The following STK3 variants were observed in gnomAD, a reference collection of about 807,000 sequenced individuals.
STK3 encodes the protein serine/threonine-protein kinase 3.
STK3 carries 41 observed loss-of-function variants against 58.0 expected under a neutral mutation model. The observed-to-expected ratio is 0.71, with a 90% CI of 0.55 to 0.92. The LOEUF is 0.92. Ranked by LOEUF, STK3 falls within the 40% of genes least tolerant of loss-of-function variation. The pLI, the probability that STK3 is intolerant of heterozygous loss-of-function variation, is 0.00. For missense variants in STK3, 479 were observed against 602.7 expected (o/e 0.79, Z 2.15); for synonymous variants, 170 against 191.0 (o/e 0.89, Z 0.91).
intron 7 of STK3, among the ~76,000 whole-genome samples, chr8:98,588,733 A>C (rs1012360245): frequency 6.6e-6 from 1 of 151,374 alleles, no homozygotes; most frequent in African/African-American, 2.4e-5. Context: ...TTTCAGGTAC[A>C]CCAATTAGAC....
chr8:98,450,313 A>C (rs1328712001), downstream of STK3, among the ~76,000 whole-genome samples: 3 of 152,204 alleles, frequency 2.0e-5, no homozygotes, highest in Non-Finnish European at 4.4e-5. Context: ...ACATGGCACT[A>C]AACTAAAAAG....
At chr8:98,434,828 A>T (rs1465240180) in intron 2 of STK3, among the ~76,000 whole-genome samples, 2 of 152,190 alleles carry the variant, frequency 1.3e-5, no homozygotes, top group Non-Finnish European at 2.9e-5. Context: ...AAAAGAGGGA[A>T]CAGGATAGAG....
rs930139767 is a variant in STK3 at position 98,445,711 on chromosome 8, T to C, written n.186-8503A>G. ...CACTCGGAGCATGCAGATAGTGAACTGATTTGAGGAACTGAATATAAACCT... is the reference window on the plus strand; with the variant it reads ...CACTCGGAGCATGCAGATAGTGAACCGATTTGAGGAACTGAATATAAACCT... On this transcript the variant is annotated intron_variant and non_coding_transcript_variant, in intron 1 of 3. Coordinates refer to the STK3 transcript ENST00000517832. 6.6e-5 allele frequency among the ~76,000 whole-genome samples: 10 copies of C among 152,320 alleles called. No individual in the cohort carries two copies. In the South Asian group the frequency reaches 2.1e-3, roughly 32 times the overall value.
At chr8:98,467,906 A>AG (rs1820610009) in intron 10 of STK3, among the ~76,000 whole-genome samples, 1 of 152,214 alleles carries the variant, frequency 6.6e-6, no homozygotes, top group Non-Finnish European at 1.5e-5. Context: ...CACAATACTT[A>AG]GTCTAACAAT....
chr8:98,747,121 T>C (rs1200839477), intron 4 of STK3, among the ~76,000 whole-genome samples: 4 of 140,870 alleles, frequency 2.8e-5, no homozygotes, highest in African/African-American at 7.9e-5. Context: ...ATTATCATCA[T>C]ACCCACCACA....
chr8:98,835,403 A>G (rs776074898), intron 3 of STK3, among the ~76,000 whole-genome samples: 1 of 152,334 alleles, frequency 6.6e-6, no homozygotes, highest in Non-Finnish European at 1.5e-5. Flanking sequence ...CCTGGTGGGC[A>G]TATGTTCCCT....
At chr8:98,352,136 CAAAAAAAAA>C in the STK3 span, among the ~76,000 whole-genome samples, 1 of 110,456 alleles carries the variant, frequency 9.1e-6, no homozygotes, top group African/African-American at 3.5e-5. Flanking sequence ...GACTCTGTCT[CAAAAAAAAA>C]AAAAAAAAAA....
chr8:98,580,263 T>C (rs1450256203), intron 7 of STK3, among the ~76,000 whole-genome samples: 1 of 152,202 alleles, frequency 6.6e-6, no homozygotes, highest in Non-Finnish European at 1.5e-5. Context: ...TTTTATTGTA[T>C]CTTAAGTAAT....
chr8:98,799,453 A>G (rs1272370774), intron 1 of STK3, among the ~76,000 whole-genome samples: 1 of 151,448 alleles, frequency 6.6e-6, no homozygotes, highest in Non-Finnish European at 1.5e-5. Context: ...CAAAGAAGTC[A>G]AAAAGAAAGG....
At chr8:98,523,864 A>T (rs28798756) in intron 10 of STK3, among the ~76,000 whole-genome samples, 1 of 152,058 alleles carries the variant, frequency 6.6e-6, no homozygotes, top group Non-Finnish European at 1.5e-5. Context: ...TTCCATTTTG[A>T]TGTAGTCCAA....
At chr8:98,344,391 T>A in the STK3 span, among the ~76,000 whole-genome samples, 2 of 152,200 alleles carry the variant, frequency 1.3e-5, no homozygotes, top group South Asian at 4.2e-4. Context: ...ACTCTGAGAA[T>A]CTCCACAAAG....
At chr8:98,823,197 T>C (rs2131742638) in intron 1 of STK3, among the ~76,000 whole-genome samples, 1 of 152,162 alleles carries the variant, frequency 6.6e-6, no homozygotes, top group South Asian at 2.1e-4. Flanking sequence ...CTAGATGGGA[T>C]AATGAAAGAG....
rs371118397 is a variant in STK3, at chr8:98,803,213, G to A, written c.26+22302C>T. Among the ~76,000 whole-genome samples, 9 of 152,192 alleles carry A rather than the reference G, an allele frequency of 5.9e-5. No homozygotes were observed. In the East Asian group the frequency reaches 1.7e-3, roughly 29 times the overall value. On this transcript the variant is annotated intron_variant, in intron 1 of 10. Transcript: ENST00000419617. ...TGATTCAATAATTACTTCATGAAAT[G>A]CATTCAATAAAATCATCTTATACAC... is the stretch of plus-strand genomic sequence containing the variant.
At chr8:98,796,627 G>C (rs967914825) in intron 1 of STK3, among the ~76,000 whole-genome samples, 3 of 152,190 alleles carry the variant, frequency 2.0e-5, no homozygotes, top group Non-Finnish European at 4.4e-5. Flanking sequence ...AACCTAAAGA[G>C]CTGCTTTTGT....
intron 1 of STK3, among the ~76,000 whole-genome samples, chr8:98,915,016 C>A (rs1218799142): frequency 6.6e-6 from 1 of 152,160 alleles, no homozygotes; most frequent in Non-Finnish European, 1.5e-5. Flanking sequence ...GCTTTGGTTT[C>A]TTCTCTAAAA....
At chr8:98,821,371 G>A (rs1432918612) in intron 1 of STK3, among the ~76,000 whole-genome samples, 1 of 152,032 alleles carries the variant, frequency 6.6e-6, no homozygotes, top group Non-Finnish European at 1.5e-5. Flanking sequence ...TGTTTCCCAC[G>A]AGACTGGTCC....
At position 98,427,902 on chromosome 8, in the gene STK3, C is replaced by T. The variant is rs1339981145; in HGVS notation, n.483+6225G>A. On this transcript the variant is annotated intron_variant and non_coding_transcript_variant, in intron 3 of 3. Transcript: ENST00000517832. ...GGAGAGGGGGCCCCGCCAGGGCGCA[C>T]GGCGCTCTCGCCGACGCTGTTCCCT... The T allele has an allele frequency of 1.6e-5, 20 of 1,276,408 alleles. No individual in the cohort carries two copies. In the East Asian group the frequency reaches 3.1e-4, roughly 20 times the overall value. 79.1% of individuals were successfully genotyped at this position (1,276,408 alleles called of 1,614,324 possible).
chr8:98,727,620 A>G (rs1367657874), intron 4 of STK3, among the ~76,000 whole-genome samples: 1 of 152,178 alleles, frequency 6.6e-6, no homozygotes, highest in Admixed American at 6.5e-5. Flanking sequence ...GTTATTCCAG[A>G]TGTATAACAG....
In STK3 at chr8:98,541,257, G is replaced by A. The variant is rs538693584; in HGVS notation, c.1141+6712C>T. 2.4e-4 allele frequency among the ~76,000 whole-genome samples: 37 copies of A among 152,288 alleles called. No individual in the cohort carries two copies. In the South Asian group the frequency reaches 7.7e-3, roughly 32 times the overall value. On this transcript the variant is annotated intron_variant, in intron 9 of 10. Transcript: ENST00000419617. ...AGTGCTGGAGGGGGGACTGGTGGGA[G>A]ATGATTGGATCACGGGGGTAGTTTC...
Sources: gnomAD v4.1 joint callset for allele counts (sites outside exome capture counted in the v4.1 genomes callset) on GRCh38, gnomAD v4.1.1 for gene constraint, MANE v1.5 for transcripts, NCBI Gene and HGNC (gene_info 2026-07-23, HGNC 2026-07-21) for gene names.